The following RGS22 variants were observed in gnomAD, a reference collection of about 807,000 sequenced individuals.
The protein encoded by RGS22 is regulator of G-protein signaling 22.
In RGS22, 148 loss-of-function variants were observed where a neutral mutation model predicts 172.9. The observed-to-expected ratio is 0.86, with a 90% CI of 0.75 to 0.98. RGS22 has a LOEUF of 0.98. RGS22 is among the 50% of genes least tolerant of loss of function. RGS22 has a pLI of 0.00. For missense variants in RGS22, 1,347 were observed against 1,440.8 expected (o/e 0.93, Z 1.05); for synonymous variants, 458 against 480.2 (o/e 0.95, Z 0.60).
chr8:100,063,761 A>G lies in RGS22; in HGVS notation c.1007T>C (p.Val336Ala), dbSNP rs2131796148. The change falls in exon 8 of 28, where the codon GTT (valine) becomes GCT (alanine). Residue 336 changes from valine to alanine, a missense_variant. Coordinates refer to ENST00000360863, the MANE Select transcript of RGS22 (RefSeq NM_015668.5). ...GTTTATATAGTCTGGGGTTTCTCCA[A>G]CTGGCTTTCCAACAATTTGCTGAAT... ...GAIQQIVGKP[V>A]GETPDYINFN... 1.2e-6 allele frequency: 2 copies of G among 1,614,096 alleles called. No homozygotes were observed. Among genetic ancestry groups the G allele is most frequent in the South Asian group, 1.1e-5 (1 of 91,074 alleles).
intron 3 of RGS22, among the ~76,000 whole-genome samples, chr8:100,085,562 G>A (rs569965961): frequency 2.6e-5 from 4 of 152,326 alleles, no homozygotes; most frequent in East Asian, 1.9e-4. Context: ...TCATGAGTCA[G>A]TTGTTCCTCT....
chr8:99,967,343 T>C (rs2131099518), intron 23 of RGS22, among the ~76,000 whole-genome samples: 1 of 151,930 alleles, frequency 6.6e-6, no homozygotes, highest in East Asian at 1.9e-4. Flanking sequence ...GTTTTTTTTT[T>C]TTGTACCCCA....
chr8:100,094,819 C>T (rs1453533319), intron 2 of RGS22, among the ~76,000 whole-genome samples: 1 of 152,090 alleles, frequency 6.6e-6, no homozygotes, highest in African/African-American at 2.4e-5. Flanking sequence ...CTAGTTTTTG[C>T]TAATTCTTAT....
At chr8:99,966,966 A>G (rs1810803169) in intron 23 of RGS22, among the ~76,000 whole-genome samples, 1 of 152,176 alleles carries the variant, frequency 6.6e-6, no homozygotes, top group African/African-American at 2.4e-5. Context: ...TCCCGTCTGC[A>G]GCTCCCAGCA....
chr8:99,999,233 C>T (rs1363011991), intron 19 of RGS22, 29 bp downstream of exon 19: 2 of 1,597,878 alleles, frequency 1.3e-6, no homozygotes, highest in South Asian at 1.1e-5. Context: ...CTGACAACTG[C>T]TATCAAAAGA....
chr8:100,040,720 T>C (rs556266201), intron 12 of RGS22, among the ~76,000 whole-genome samples: 1 of 152,344 alleles, frequency 6.6e-6, no homozygotes, highest in East Asian at 1.9e-4. Flanking sequence ...GACTTCAGAA[T>C]ATGAAAGGGC....
chr8:100,069,661 T>C (rs1810800703), intron 6 of RGS22, among the ~76,000 whole-genome samples: 1 of 152,198 alleles, frequency 6.6e-6, no homozygotes, highest in African/African-American at 2.4e-5. Flanking sequence ...ATCCAAATTA[T>C]AGCAATTTTG....
Position 100,080,261 on chromosome 8 carries a change from A to AT in RGS22, c.211dup (p.Ile71AsnfsTer13), listed in dbSNP as rs1344877867. On this transcript the variant is annotated frameshift_variant, in exon 4 of 28. Transcript: ENST00000360863. LOFTEE classifies it high-confidence loss of function. ...ATTTCGAGGTTGCTGGTTTTGTAGA[A>AT]TTTTTTTCAGTTGTTTTTCCAGAAA... 2 of 1,613,802 alleles carry AT rather than the reference A, an allele frequency of 1.2e-6. No homozygotes were observed. The highest frequency in any genetic ancestry group is 1.7e-5 in the Admixed American group (1 of 60,002).
chr8:99,975,889 GATTAAAA>G (rs879298986), intron 23 of RGS22, among the ~76,000 whole-genome samples: 2 of 152,000 alleles, frequency 1.3e-5, no homozygotes, highest in African/African-American at 4.8e-5. Flanking sequence ...TGTATTTGCT[GATTAAAA>G]AGAATGAACA....
At chr8:100,020,648 C>T (rs966411822) in intron 14 of RGS22, among the ~76,000 whole-genome samples, 3 of 152,116 alleles carry the variant, frequency 2.0e-5, no homozygotes, top group Non-Finnish European at 2.9e-5. Flanking sequence ...CTCACAAGAG[C>T]CGATTCATAA....
At chr8:100,096,778 G>C (rs1813011037) in intron 2 of RGS22, among the ~76,000 whole-genome samples, 1 of 150,670 alleles carries the variant, frequency 6.6e-6, no homozygotes, top group African/African-American at 2.4e-5. Flanking sequence ...CGAAGTGCTG[G>C]GATTACAAGC....
chr8:100,096,224 T>C (rs1406893463), intron 2 of RGS22, among the ~76,000 whole-genome samples: 2 of 152,226 alleles, frequency 1.3e-5, no homozygotes, highest in Non-Finnish European at 1.5e-5. Flanking sequence ...TCTAAGTCTC[T>C]ATGCTTAGGT....
intron 23 of RGS22, 126 bp from the exon 24 acceptor site, chr8:99,965,556 CAT>C: frequency 1.7e-6 from 1 of 597,404 alleles, no homozygotes; most frequent in South Asian, 2.7e-5. Flanking sequence ...CTTAAGGTTT[CAT>C]CAAGTCAATA....
At chr8:100,062,482 T>A (rs989439878) in intron 9 of RGS22, 109 bp downstream of exon 9, 1 of 705,222 alleles carries the variant, frequency 1.4e-6, no homozygotes, top group African/African-American at 1.9e-5. Flanking sequence ...GATACAATAG[T>A]CTTGTCATTT....
chr8:100,080,433 C>T lies in RGS22; in HGVS notation c.118-78G>A, dbSNP rs1811670472. On this transcript the variant is annotated intron_variant, in intron 3 of 27. Coordinates refer to ENST00000360863, the MANE Select transcript of RGS22 (RefSeq NM_015668.5). Reference sequence around the variant, plus strand: ...GGTCTCTAAGAAGACTTGTGGTTTACATACATGCATGCATACCTCACAGAG... The same window carrying T: ...GGTCTCTAAGAAGACTTGTGGTTTATATACATGCATGCATACCTCACAGAG... The T allele has an allele frequency of 9.5e-6, 9 of 949,916 alleles. No homozygotes were observed. In the South Asian group the frequency reaches 1.5e-4, roughly 16 times the overall value. 58.8% of individuals were successfully genotyped at this position (949,916 alleles called of 1,614,324 possible).
rs781571395 is a variant in RGS22, at chr8:99,962,389, C to G, written c.*45+5G>C. On this transcript the variant is annotated splice_donor_5th_base_variant and intron_variant, in intron 27 of 27. Transcript: ENST00000360863. ...GGACCAACCAACATTCAGACTATGA[C>G]GTACCTTGAACCTATCAGCAGCAGG... The G allele has an allele frequency of 1.0e-5, 16 of 1,600,714 alleles. No individual in the cohort carries two copies. The Admixed American group carries it at 2.3e-4, about 23-fold the overall frequency.
chr8:100,105,560 G>A, intron 1 of RGS22, 158 bp from the exon 2 acceptor site: 1 of 668,226 alleles, frequency 1.5e-6, no homozygotes, highest in Non-Finnish European at 2.6e-6. Flanking sequence ...TGCATTTTAA[G>A]TTGGAATTCA....
chr8:100,027,961 G>A (rs950940891), intron 14 of RGS22, among the ~76,000 whole-genome samples: 3 of 151,990 alleles, frequency 2.0e-5, no homozygotes, highest in Non-Finnish European at 2.9e-5. Context: ...GCTTCCACCT[G>A]TATATGATCT....
intron 23 of RGS22, among the ~76,000 whole-genome samples, chr8:99,971,895 A>G (rs994298715): frequency 3.9e-5 from 6 of 152,174 alleles, no homozygotes; most frequent in Non-Finnish European, 8.8e-5. Context: ...GCTAGAAAAA[A>G]CTACTTTAAG....
Sources: gnomAD v4.1 joint callset for allele counts (sites outside exome capture counted in the v4.1 genomes callset) on GRCh38, gnomAD v4.1.1 for gene constraint, MANE v1.5 for transcripts, NCBI Gene and HGNC (gene_info 2026-07-23, HGNC 2026-07-21) for gene names.